The following SCAI variants were observed in gnomAD, a reference collection of about 807,000 sequenced individuals.
The protein encoded by SCAI is protein SCAI.
In SCAI, 24 loss-of-function variants were observed where a neutral mutation model predicts 92.2. The observed-to-expected ratio is 0.26, with a 90% CI of 0.19 to 0.37. The LOEUF (loss-of-function observed/expected upper bound fraction) is 0.37. SCAI is among the 10% of genes least tolerant of loss of function. The pLI is 1.00. For synonymous variants in SCAI, 261 were observed against 258.6 expected, an observed-to-expected ratio of 1.01 and a Z score of -0.09; for missense variants, 450 against 736.2, an observed-to-expected ratio of 0.61 and a Z score of 4.50.
intron 3 of SCAI, among the ~76,000 whole-genome samples, chr9:125,035,060 G>T (rs1019279853): frequency 6.6e-6 from 1 of 152,040 alleles, no homozygotes; most frequent in African/African-American, 2.4e-5. Context: ...CTAAGCATGA[G>T]AAAAGAAGAG....
intron 2 of SCAI, among the ~76,000 whole-genome samples, chr9:125,126,152 AC>A (rs1835267809): frequency 6.6e-6 from 1 of 152,202 alleles, no homozygotes. Context: ...TCAAGGCTCA[AC>A]TAGAGTAGGA....
chr9:124,988,045 C>T (rs1395538865), intron 14 of SCAI, among the ~76,000 whole-genome samples: 1 of 152,010 alleles, frequency 6.6e-6, no homozygotes, highest in Non-Finnish European at 1.5e-5. Context: ...AACACACACA[C>T]ACACACACAC....
At chr9:125,062,513 G>A (rs1336851316) in intron 2 of SCAI, among the ~76,000 whole-genome samples, 1 of 151,328 alleles carries the variant, frequency 6.6e-6, no homozygotes, top group Non-Finnish European at 1.5e-5. Flanking sequence ...CACTTTGGGA[G>A]GCCAAGGTGG....
intron 3 of SCAI, among the ~76,000 whole-genome samples, chr9:125,054,901 G>A (rs753537391): frequency 2.0e-5 from 3 of 152,122 alleles, no homozygotes; most frequent in Admixed American, 6.5e-5. Flanking sequence ...TTTAATGCGG[G>A]AGAGACATAA....
intron 3 of SCAI, among the ~76,000 whole-genome samples, chr9:125,054,722 TCTC>T (rs930277291): frequency 2.0e-5 from 3 of 152,122 alleles, no homozygotes; most frequent in African/African-American, 7.2e-5. Flanking sequence ...ATCTCAAACA[TCTC>T]CTCTGCAGCA....
intron 13 of SCAI, among the ~76,000 whole-genome samples, chr9:124,997,336 G>C (rs542910698): frequency 6.6e-6 from 1 of 152,234 alleles, no homozygotes; most frequent in East Asian, 1.9e-4. Context: ...TGAAACACAA[G>C]TCAATTTCAT....
chr9:125,106,963 C>T (rs969550905), intron 2 of SCAI, among the ~76,000 whole-genome samples: 1 of 151,392 alleles, frequency 6.6e-6, no homozygotes, highest in African/African-American at 2.4e-5. Context: ...GATCCTCCTG[C>T]CTCAGCCTCC....
At chr9:124,991,754 T>A (rs576673654) in intron 14 of SCAI, among the ~76,000 whole-genome samples, 38 of 152,024 alleles carry the variant, frequency 2.5e-4, no homozygotes, top group Admixed American at 3.9e-4. Context: ...GGAGAATCGC[T>A]TGAACCCAGG....
intron 5 of SCAI, among the ~76,000 whole-genome samples, chr9:125,027,882 A>G (rs2131085406): frequency 6.6e-6 from 1 of 152,310 alleles, no homozygotes; most frequent in Admixed American, 6.5e-5. Context: ...TCACTTCAGG[A>G]TGATGACATT....
chr9:124,965,388 G>A lies in SCAI; in HGVS notation c.1674+5982C>T, dbSNP rs868028756. Among the ~76,000 whole-genome samples, 7 of 152,032 alleles carry A rather than the reference G, an allele frequency of 4.6e-5. 1 individual carries two copies. In the South Asian group the frequency reaches 1.2e-3, roughly 27 times the overall value. On this transcript the variant is annotated intron_variant, in intron 17 of 17. Transcript: ENST00000336505. Reference sequence around the variant, plus strand: ...AGCTGAGACTACAGGCTCACGCCACGACGCCCAGCTAATTTTTATATTTTT... The same window carrying A: ...AGCTGAGACTACAGGCTCACGCCACAACGCCCAGCTAATTTTTATATTTTT...
chr9:125,064,729 C>A (rs1833842459), intron 2 of SCAI, among the ~76,000 whole-genome samples: 1 of 151,916 alleles, frequency 6.6e-6, no homozygotes, highest in South Asian at 2.1e-4. Flanking sequence ...GCCTGTAACC[C>A]CAGCTACTTG....
At chr9:125,068,438 TA>T (rs1260990459) in intron 2 of SCAI, among the ~76,000 whole-genome samples, 1 of 152,080 alleles carries the variant, frequency 6.6e-6, no homozygotes, top group Admixed American at 6.6e-5. Context: ...AGTTTGAGGT[TA>T]CAGTGAGCTG....
At chr9:125,051,632 T>C (rs1295687763) in intron 3 of SCAI, among the ~76,000 whole-genome samples, 5 of 152,200 alleles carry the variant, frequency 3.3e-5, no homozygotes, top group Non-Finnish European at 5.9e-5. Context: ...AAATATCACA[T>C]GTACCCCATA....
intron 2 of SCAI, among the ~76,000 whole-genome samples, chr9:125,086,995 GGACAATTCTGT>G (rs1300703982): frequency 6.6e-6 from 1 of 152,096 alleles, no homozygotes; most frequent in African/African-American, 2.4e-5. Context: ...ACCTAGACTA[GGACAATTCTGT>G]GAATGAAAAG....
intron 2 of SCAI, among the ~76,000 whole-genome samples, chr9:125,129,454 CTTTTTTTTTTTTTTT>C (rs1171739834): frequency 1.5e-5 from 1 of 67,576 alleles, no homozygotes; most frequent in East Asian, 5.6e-4. Context: ...ATTAGAATTT[CTTTTTTTTTTTTTTT>C]TTTTTTTTTT....
intron 2 of SCAI, among the ~76,000 whole-genome samples, chr9:125,111,282 TCTC>T (rs1283642324): frequency 2.0e-5 from 3 of 152,246 alleles, no homozygotes; most frequent in African/African-American, 7.2e-5. Flanking sequence ...CATATGATCT[TCTC>T]AATAGATACA....
intron 2 of SCAI, among the ~76,000 whole-genome samples, chr9:125,107,053 T>C (rs1214655438): frequency 6.6e-6 from 1 of 151,950 alleles, no homozygotes; most frequent in African/African-American, 2.4e-5. Context: ...CCTTGAATTA[T>C]AGGCAGATAC....
intron 14 of SCAI, among the ~76,000 whole-genome samples, chr9:124,987,893 G>T (rs1010648673): frequency 6.6e-6 from 1 of 152,100 alleles, no homozygotes; most frequent in African/African-American, 2.4e-5. Flanking sequence ...AACCCGGGAG[G>T]CAGAGGTTGT....
intron 14 of SCAI, among the ~76,000 whole-genome samples, chr9:124,984,406 C>T (rs1014604872): frequency 6.6e-6 from 1 of 152,132 alleles, no homozygotes; most frequent in African/African-American, 2.4e-5. Context: ...TATAGGCACA[C>T]TTACAGGAGA....
Sources: allele counts gnomAD v4.1 joint callset (sites outside exome capture counted in the v4.1 genomes callset), GRCh38; gene constraint gnomAD v4.1.1; transcripts MANE v1.5; gene names NCBI Gene and HGNC (gene_info 2026-07-23, HGNC 2026-07-21).